Variants in IL12RB2 observed in about 807,000 individuals in gnomAD.
IL12RB2 encodes interleukin 12 receptor subunit beta 2, also known as interleukin-12 receptor subunit beta-2.
A neutral mutation model predicts 89.4 loss-of-function variants in IL12RB2; 82 were observed. The observed-to-expected ratio is 0.92, with a 90% CI of 0.77 to 1.10. The LOEUF (loss-of-function observed/expected upper bound fraction) is 1.10, where lower values mean the gene tolerates loss of function less well. Among genes scored for constraint, IL12RB2 ranks in the 50% least tolerant of loss-of-function variants. IL12RB2 has a pLI of 0.00. For synonymous variants in IL12RB2, 368 were observed against 370.1 expected, an observed-to-expected ratio of 0.99 and a Z score of 0.07; for missense variants, 963 against 1,031.9, an observed-to-expected ratio of 0.93 and a Z score of 0.92.
chr1:67,395,491 G>A, intron 16 of IL12RB2, 56 bp from the exon 17 acceptor site: 1 of 1,613,744 alleles, frequency 6.2e-7, no homozygotes, highest in African/African-American at 1.3e-5. Flanking sequence ...TGGAGAAATA[G>A]GTTGTGAAGG....
At chr1:67,376,844 A>G (rs900520067) in intron 13 of IL12RB2, among the ~76,000 whole-genome samples, 2 of 152,090 alleles carry the variant, frequency 1.3e-5, no homozygotes, top group Admixed American at 6.6e-5. Context: ...ATTCCCTGAC[A>G]CTTGCTGATG....
rs1229003721 is a variant in IL12RB2 at position 67,397,137 on chromosome 1, A to G, written c.*1048A>G. Among the ~76,000 whole-genome samples the G allele has an allele frequency of 6.6e-6, 1 of 152,064 alleles. No individual in the cohort carries two copies. The highest frequency in any genetic ancestry group is 1.5e-5 in the Non-Finnish European group (1 of 68,004). On this transcript the variant is annotated 3_prime_UTR_variant, in exon 17 of 17. Transcript: ENST00000674203. ...GCAAGACTCTGTCTCAAAAAAGAAA[A>G]AAAAAAAAAAGAATGTACCTTTTTC... is the stretch of plus-strand genomic sequence containing the variant.
At chr1:67,323,785 C>A (rs1164897744) in intron 4 of IL12RB2, among the ~76,000 whole-genome samples, 4 of 152,084 alleles carry the variant, frequency 2.6e-5, no homozygotes, top group African/African-American at 9.7e-5. Flanking sequence ...ATCTAAGAAA[C>A]AAGACAGCCA....
In IL12RB2 at chr1:67,396,144, C is replaced by G. The variant is rs1316436835; in HGVS notation, c.*55C>G. The G allele has an allele frequency of 7.9e-6, 8 of 1,007,762 alleles. No individual in the cohort carries two copies. The highest frequency in any genetic ancestry group is 1.1e-5 in the Non-Finnish European group (7 of 634,428). 62.4% of individuals were successfully genotyped at this position (1,007,762 alleles called of 1,614,324 possible). On this transcript the variant is annotated 3_prime_UTR_variant, in exon 17 of 17. Transcript: ENST00000674203. ...GTGCCCTCAACCAGCACAGCCTGCCCCAATTCCCCCAGCCCCTGCTCCAGC... is the reference window on the plus strand; with the variant it reads ...GTGCCCTCAACCAGCACAGCCTGCCGCAATTCCCCCAGCCCCTGCTCCAGC...
At chr1:67,389,904 T>G in intron 15 of IL12RB2, 125 bp from the exon 16 acceptor site, 2 of 690,706 alleles carry the variant, frequency 2.9e-6, no homozygotes, top group East Asian at 5.5e-5. Context: ...TCTTTGTCTT[T>G]CAGTGTTTAT....
At chr1:67,311,442 T>A (rs1655045091) in intron 1 of IL12RB2, among the ~76,000 whole-genome samples, 1 of 152,248 alleles carries the variant, frequency 6.6e-6, no homozygotes, top group Non-Finnish European at 1.5e-5. Flanking sequence ...AATTCTGGAT[T>A]TATGTGTGGT....
intron 10 of IL12RB2, among the ~76,000 whole-genome samples, chr1:67,367,267 C>T (rs754023955): frequency 6.6e-6 from 1 of 151,754 alleles, no homozygotes; most frequent in Non-Finnish European, 1.5e-5. Flanking sequence ...TGGTGACATG[C>T]ACCCGTGGTC....
chr1:67,366,223 G>T (rs542905658), intron 10 of IL12RB2, among the ~76,000 whole-genome samples: 1 of 151,984 alleles, frequency 6.6e-6, no homozygotes, highest in African/African-American at 2.4e-5. Context: ...AGCCCGAGGC[G>T]GGTGGATCAC....
At chr1:67,368,111 T>A in intron 11 of IL12RB2, 86 bp downstream of exon 11, 1 of 851,772 alleles carries the variant, frequency 1.2e-6, no homozygotes, top group Non-Finnish European at 2.0e-6. Flanking sequence ...GAACCCTGCC[T>A]TCAATTACAG....
intron 4 of IL12RB2, among the ~76,000 whole-genome samples, chr1:67,322,483 G>T (rs1656688994): frequency 6.6e-6 from 1 of 150,632 alleles, no homozygotes; most frequent in Non-Finnish European, 1.5e-5. Flanking sequence ...TCATGGGAAG[G>T]GGGCATGGGG....
In IL12RB2 at chr1:67,318,432, G is replaced by A. The variant is rs187401221; in HGVS notation, c.-36-1901G>A. ...AGAAAGGGCAAGGATGGTTTGGAAAGACATGTTGACGGCTAGAATAGACTA... is the reference window on the plus strand; with the variant it reads ...AGAAAGGGCAAGGATGGTTTGGAAAAACATGTTGACGGCTAGAATAGACTA... On this transcript the variant is annotated intron_variant, in intron 2 of 16. Coordinates refer to ENST00000674203, the MANE Select transcript of IL12RB2 (RefSeq NM_001374259.2). 2.0e-5 allele frequency among the ~76,000 whole-genome samples: 3 copies of A among 152,304 alleles called. No homozygotes were observed. The East Asian group carries it at 5.8e-4, about 29-fold the overall frequency.
intron 10 of IL12RB2, among the ~76,000 whole-genome samples, chr1:67,357,981 A>G (rs1465807086): frequency 6.6e-6 from 1 of 152,220 alleles, no homozygotes; most frequent in Non-Finnish European, 1.5e-5. Context: ...GTGATCAAGA[A>G]TGTTACAGAA....
chr1:67,387,714 A>AAAG (rs1553128994), intron 15 of IL12RB2, among the ~76,000 whole-genome samples: 42 of 151,764 alleles, frequency 2.8e-4, no homozygotes, highest in Non-Finnish European at 3.4e-4. Flanking sequence ...AAAAAAAAAA[A>AAAG]AAAGAAAGAA....
chr1:67,327,273 T>C (rs1175172126), intron 5 of IL12RB2, among the ~76,000 whole-genome samples: 1 of 152,204 alleles, frequency 6.6e-6, no homozygotes, highest in Non-Finnish European at 1.5e-5. Context: ...TGTTTTATTT[T>C]TACCAGAAAG....
chr1:67,320,378 A>G lies in IL12RB2; in HGVS notation c.10A>G (p.Thr4Ala), dbSNP rs142841707. 1.2e-4 allele frequency: 194 copies of G among 1,613,954 alleles called. 1 individual carries two copies. The African/African-American group carries it at 2.2e-3, about 18-fold the overall frequency. ...CCAGAGTTGATTGTTGATGGCACAT[A>G]CTTTTAGAGGATGCTCATTGGCATT... Reference protein sequence around the residue: MAHTFRGCSLAFMF... With the variant: MAHAFRGCSLAFMF... The change falls in exon 3 of 17, where the codon ACT (threonine) becomes GCT (alanine). Residue 4 changes from threonine (T) to alanine (A), a missense_variant. Transcript: ENST00000674203.
intron 10 of IL12RB2, among the ~76,000 whole-genome samples, chr1:67,353,419 G>C (rs144201832): frequency 6.6e-6 from 1 of 152,116 alleles, no homozygotes; most frequent in Non-Finnish European, 1.5e-5. Context: ...ATAAAAATAA[G>C]ATTAGTCAGC....
In IL12RB2 at chr1:67,321,642, T is replaced by C; in HGVS notation, c.117T>C (p.His39=). The C allele has an allele frequency of 1.9e-6, 3 of 1,604,644 alleles. No homozygotes were observed. The highest frequency in any genetic ancestry group is 1.1e-5 in the South Asian group (1 of 90,892). The part of the protein sequence containing the change: ...KRGDVTVKPS[H]VILLGSTVNI... ...GCGATGTGACTGTGAAGCCTTCCCA[T>C]GTAATTTTACTTGGATCCACTGTCA... The change falls in exon 4 of 17, where the codon CAT becomes CAC. Residue 39 remains histidine (H), a synonymous_variant. Transcript: ENST00000674203.
intron 11 of IL12RB2, among the ~76,000 whole-genome samples, chr1:67,370,216 G>T (rs1386709278): frequency 5.9e-5 from 9 of 152,094 alleles, no homozygotes; most frequent in Non-Finnish European, 1.3e-4. Context: ...ATCACTCATT[G>T]TTATTGATTT....
intron 8 of IL12RB2, among the ~76,000 whole-genome samples, chr1:67,338,336 CAAAAAAAAAAAAAAAAAA>C (rs572505092): frequency 8.7e-4 from 35 of 40,112 alleles, no homozygotes; most frequent in Admixed American, 3.2e-3. Context: ...GATCCTGTCT[CAAAAAAAAAAAAAAAAAA>C]AAAAAAAAAA....
Sources: allele counts gnomAD v4.1 joint callset (sites outside exome capture counted in the v4.1 genomes callset), GRCh38; gene constraint gnomAD v4.1.1; transcripts MANE v1.5; gene names NCBI Gene and HGNC (gene_info 2026-07-23, HGNC 2026-07-21).